The following ZMAT4 variants were observed in gnomAD, a reference collection of about 807,000 sequenced individuals.
ZMAT4 encodes zinc finger matrin-type 4.
A neutral mutation model predicts 28.7 loss-of-function variants in ZMAT4; 17 were observed. That is an observed-to-expected ratio of 0.59 (90% CI 0.41 to 0.89). The LOEUF is 0.89. Among genes scored for constraint, ZMAT4 ranks in the 40% least tolerant of loss-of-function variants. The pLI is 0.00. For missense variants in ZMAT4, 240 were observed against 283.8 expected, an observed-to-expected ratio of 0.85 and a Z score of 1.11; for synonymous variants, 117 against 109.2, an observed-to-expected ratio of 1.07 and a Z score of -0.44.
intron 1 of ZMAT4, among the ~76,000 whole-genome samples, chr8:40,895,824 C>T (rs1185523717): frequency 6.6e-6 from 1 of 152,226 alleles, no homozygotes; most frequent in Non-Finnish European, 1.5e-5. Flanking sequence ...CCAAGGTGCT[C>T]TCATGCAAGA....
chr8:40,770,758 G>A lies in ZMAT4; in HGVS notation c.103-3028C>T, dbSNP rs549494004. ...AGACAGGGTTTCACCATGTTGGCCA[G>A]GCTGGTCTCTAACTCATGGCCTCAA... On this transcript the variant is annotated intron_variant, in intron 2 of 6. Coordinates refer to ENST00000297737, the MANE Select transcript of ZMAT4 (RefSeq NM_024645.3). 4.5e-4 allele frequency among the ~76,000 whole-genome samples: 69 copies of A among 152,108 alleles called. No homozygotes were observed. In the South Asian group the frequency reaches 4.6e-3, roughly 10 times the overall value.
At chr8:40,596,089 T>A (rs908230162) in intron 5 of ZMAT4, among the ~76,000 whole-genome samples, 1 of 151,732 alleles carries the variant, frequency 6.6e-6, no homozygotes, top group African/African-American at 2.4e-5. Context: ...CAAAACTCTG[T>A]CTCAAAAAAA....
chr8:40,834,454 A>T (rs767282536), intron 1 of ZMAT4, among the ~76,000 whole-genome samples: 1 of 152,156 alleles, frequency 6.6e-6, no homozygotes. Flanking sequence ...CAGATTTTCT[A>T]TGTGATTCAC....
At chr8:40,829,852 GCA>G (rs1414403783) in intron 1 of ZMAT4, among the ~76,000 whole-genome samples, 10 of 152,090 alleles carry the variant, frequency 6.6e-5, no homozygotes, top group Non-Finnish European at 1.3e-4. Flanking sequence ...CTTTTCCCTG[GCA>G]CAGAGAAAAA....
At chr8:40,534,892 A>G (rs973323003) in intron 6 of ZMAT4, among the ~76,000 whole-genome samples, 1 of 151,990 alleles carries the variant, frequency 6.6e-6, no homozygotes, top group Admixed American at 6.6e-5. Flanking sequence ...CATGTTGGCC[A>G]TGCTGGTCTC....
intron 3 of ZMAT4, among the ~76,000 whole-genome samples, chr8:40,704,895 T>C (rs529778882): frequency 6.6e-6 from 1 of 152,346 alleles, no homozygotes; most frequent in African/African-American, 2.4e-5. Context: ...TTGTGTGAGT[T>C]TGTCCACATA....
intron 5 of ZMAT4, among the ~76,000 whole-genome samples, chr8:40,587,811 G>T (rs1804717730): frequency 6.6e-6 from 1 of 151,798 alleles, no homozygotes. Context: ...TAGTCAAAAG[G>T]CCAAAACTAT....
chr8:40,805,757 G>C (rs1372797534), intron 2 of ZMAT4, among the ~76,000 whole-genome samples: 2 of 141,462 alleles, frequency 1.4e-5, no homozygotes, highest in Non-Finnish European at 3.0e-5. Context: ...CATGGACACA[G>C]GAAGGGGAAC....
At chr8:40,892,793 G>A (rs1469821969) in intron 1 of ZMAT4, among the ~76,000 whole-genome samples, 1 of 152,188 alleles carries the variant, frequency 6.6e-6, no homozygotes, top group Non-Finnish European at 1.5e-5. Context: ...GCCAGTCCAG[G>A]TGGCAGCTGG....
At chr8:40,554,317 T>C (rs1340176361) in intron 6 of ZMAT4, among the ~76,000 whole-genome samples, 2 of 152,096 alleles carry the variant, frequency 1.3e-5, no homozygotes, top group Admixed American at 1.3e-4. Context: ...CCAACCATTG[T>C]TTTTTTAAGA....
Position 40,834,550 on chromosome 8 carries a change from C to T in ZMAT4, c.-4-8870G>A, listed in dbSNP as rs146817979. 3.0e-3 allele frequency among the ~76,000 whole-genome samples: 458 copies of T among 152,262 alleles called. 1 individual carries two copies. The highest frequency in any genetic ancestry group is 0.014 in the Middle Eastern group (4 of 294). On this transcript the variant is annotated intron_variant, in intron 1 of 6. Coordinates refer to ENST00000297737, the MANE Select transcript of ZMAT4 (RefSeq NM_024645.3). Reference sequence around the variant, plus strand: ...GAAACGAATTTTTACTGAGCATTTACTATACGGCTGGTGCTGCTCTAAGCA... The same window carrying T: ...GAAACGAATTTTTACTGAGCATTTATTATACGGCTGGTGCTGCTCTAAGCA...
At chr8:40,842,335 G>T (rs1322838040) in intron 1 of ZMAT4, among the ~76,000 whole-genome samples, 1 of 152,302 alleles carries the variant, frequency 6.6e-6, no homozygotes, top group East Asian at 1.9e-4. Flanking sequence ...CTCCAAATCC[G>T]GGGGTCTTTC....
At chr8:40,681,375 C>A (rs1467905596) in intron 4 of ZMAT4, among the ~76,000 whole-genome samples, 1 of 152,162 alleles carries the variant, frequency 6.6e-6, no homozygotes, top group Non-Finnish European at 1.5e-5. Context: ...TGATAAACTG[C>A]CTTTATTTTT....
chr8:40,674,803 C>A lies in ZMAT4; in HGVS notation c.478G>T (p.Ala160Ser). 2 of 1,613,926 alleles carry A rather than the reference C, an allele frequency of 1.2e-6. No individual in the cohort carries two copies. The highest frequency in any genetic ancestry group is 8.5e-7 in the Non-Finnish European group (1 of 1,179,920). ...TTCTTGCCATCATAATGTTGCTGGG[C>A]CATCAGAGGGTTATTAAACCAGGCT... ...CAAWFNNPLMAQQHYDGKKHK... is the reference protein window; with the variant it reads ...CAAWFNNPLMSQQHYDGKKHK... Residue 160 changes from alanine (A) to serine (S), a missense_variant, in exon 5 of 7, where the codon GCC (alanine) becomes TCC (serine). Transcript: ENST00000297737.
chr8:40,816,488 CA>C (rs1012491976), intron 2 of ZMAT4, among the ~76,000 whole-genome samples: 1 of 151,740 alleles, frequency 6.6e-6, no homozygotes, highest in Non-Finnish European at 1.5e-5. Flanking sequence ...AACAAACAAA[CA>C]AAAAAACCCT....
intron 5 of ZMAT4, among the ~76,000 whole-genome samples, chr8:40,658,292 T>C (rs1808017672): frequency 6.6e-6 from 1 of 152,192 alleles, no homozygotes; most frequent in Non-Finnish European, 1.5e-5. Context: ...TCCTAGTTCC[T>C]CCTATGCATA....
At chr8:40,731,461 CAGCAAACCTA>C (rs1811539097) in intron 3 of ZMAT4, among the ~76,000 whole-genome samples, 1 of 151,962 alleles carries the variant, frequency 6.6e-6, no homozygotes, top group Non-Finnish European at 1.5e-5. Context: ...TAACAAGAAA[CAGCAAACCTA>C]AGGGAAGAAG....
chr8:40,882,981 C>T (rs1245253363), intron 1 of ZMAT4, among the ~76,000 whole-genome samples: 5 of 152,136 alleles, frequency 3.3e-5, no homozygotes, highest in South Asian at 2.1e-4. Flanking sequence ...TCAACCTTGC[C>T]GTCTAAGTGA....
At chr8:40,533,262 C>T (rs1314954174) in intron 6 of ZMAT4, among the ~76,000 whole-genome samples, 1 of 152,142 alleles carries the variant, frequency 6.6e-6, no homozygotes, top group Non-Finnish European at 1.5e-5. Context: ...GATCAAACAG[C>T]TGTTAAGCAG....
Sources: gnomAD v4.1 joint callset for allele counts (sites outside exome capture counted in the v4.1 genomes callset) on GRCh38, gnomAD v4.1.1 for gene constraint, MANE v1.5 for transcripts, NCBI Gene and HGNC (gene_info 2026-07-23, HGNC 2026-07-21) for gene names.